Variants in MNS1 observed in about 807,000 individuals in gnomAD.
MNS1 encodes the protein meiosis-specific nuclear structural protein 1.
MNS1 carries 63 observed loss-of-function variants against 72.0 expected under a neutral mutation model. The ratio of observed to expected loss-of-function variants is 0.87; its 90% CI spans 0.71 to 1.08. The LOEUF is 1.08. MNS1 is among the 50% of genes least tolerant of loss of function. The pLI is 0.00. For synonymous variants in MNS1, 188 were observed against 172.1 expected, an observed-to-expected ratio of 1.09 and a Z score of -0.72; for missense variants, 604 against 562.4, an observed-to-expected ratio of 1.07 and a Z score of -0.75.
At chr15:56,461,741 C>A (rs2051022974) in intron 2 of MNS1, among the ~76,000 whole-genome samples, 2 of 147,000 alleles carry the variant, frequency 1.4e-5, no homozygotes, top group Admixed American at 6.8e-5. Flanking sequence ...ATTTGAGCAT[C>A]AAAAATAATA....
chr15:56,461,598 T>G (rs1443598131), intron 2 of MNS1, among the ~76,000 whole-genome samples: 1 of 143,432 alleles, frequency 7.0e-6, no homozygotes, highest in Non-Finnish European at 1.5e-5. Flanking sequence ...AAGGCGGAGG[T>G]TGCAGTGAGC....
In MNS1 at chr15:56,445,554, TTC is replaced by T. The variant is rs377693016; in HGVS notation, c.457-883_457-882del. The T allele has an allele frequency of 2.9e-4, 44 of 152,170 alleles. 2 individuals carry two copies. The highest frequency in any genetic ancestry group is 1.0e-3 in the African/African-American group (42 of 41,562). 9.4% of individuals were successfully genotyped at this position (152,170 alleles called of 1,614,324 possible). On this transcript the variant is annotated intron_variant, in intron 4 of 9. Coordinates refer to ENST00000260453, the MANE Select transcript of MNS1 (RefSeq NM_018365.4). ...GATAATATGACTTGACCAAAAATGT[TTC>T]TGATTATCTTCTTTGTACATGCTAT...
chr15:56,449,125 T>G (rs2050929532), intron 3 of MNS1, among the ~76,000 whole-genome samples: 1 of 152,204 alleles, frequency 6.6e-6, no homozygotes, highest in South Asian at 2.1e-4. Context: ...TTTTATTCCT[T>G]TAATGCCAAT....
Position 56,431,346 on chromosome 15 carries a change from T to G in MNS1, c.1395+27A>C, listed in dbSNP as rs1425148315. 3 of 1,606,866 alleles carry G rather than the reference T, an allele frequency of 1.9e-6. No individual in the cohort carries two copies. The African/African-American group carries it at 4.0e-5, about 22-fold the overall frequency. On this transcript the variant is annotated intron_variant, in intron 9 of 9. Coordinates refer to ENST00000260453, the MANE Select transcript of MNS1 (RefSeq NM_018365.4). ...TTTTCACTATTACAGGTCATGAAGA[T>G]TACAACTTGAGATAAATCTCACTTA...
chr15:56,454,325 C>T (rs1236121949), intron 3 of MNS1, among the ~76,000 whole-genome samples: 1 of 151,942 alleles, frequency 6.6e-6, no homozygotes, highest in African/African-American at 2.4e-5. Context: ...GGGTATCCAT[C>T]CCCTCAAGCA....
chr15:56,445,138 C>T (rs1348354690), intron 4 of MNS1, among the ~76,000 whole-genome samples: 2 of 151,992 alleles, frequency 1.3e-5, no homozygotes, highest in African/African-American at 4.8e-5. Flanking sequence ...TCTTAAGTTT[C>T]TCCTAGCCTA....
intron 7 of MNS1, among the ~76,000 whole-genome samples, chr15:56,438,525 T>G (rs2050766724): frequency 6.6e-6 from 1 of 152,040 alleles, no homozygotes; most frequent in South Asian, 2.1e-4. Context: ...ATGTTAGACC[T>G]AAAACCATAA....
chr15:56,452,854 T>C lies in MNS1; in HGVS notation c.353+3540A>G, dbSNP rs534649706. On this transcript the variant is annotated intron_variant, in intron 3 of 9. Transcript: ENST00000260453. ...GTTTTCACATTTTAGCCACAGTGAA[T>C]CATCCTCAGCAGTTAAGGTGGTAAG... 1.5e-4 allele frequency among the ~76,000 whole-genome samples: 23 copies of C among 152,260 alleles called. 1 individual carries two copies. The East Asian group carries it at 4.4e-3, about 29-fold the overall frequency.
At chr15:56,445,367 A>G (rs1267049896) in intron 4 of MNS1, among the ~76,000 whole-genome samples, 1 of 152,034 alleles carries the variant, frequency 6.6e-6, no homozygotes, top group African/African-American at 2.4e-5. Flanking sequence ...AATAAGTTTT[A>G]AATGAAATAT....
In MNS1 at chr15:56,443,415, A is replaced by G. The variant is rs761378916; in HGVS notation, c.1011+15T>C. On this transcript the variant is annotated intron_variant, in intron 7 of 9. Transcript: ENST00000260453. ...CTTCTCTACATTAATCATTCTTTCC[A>G]TTTCTGAAACTTACTTTTAGCTTGC... is the stretch of plus-strand genomic sequence containing the variant. The G allele has an allele frequency of 1.3e-6, 2 of 1,527,386 alleles. No homozygotes were observed. Among genetic ancestry groups the G allele is most frequent in the South Asian group, 1.3e-5 (1 of 79,268 alleles). 94.6% of individuals were successfully genotyped at this position (1,527,386 alleles called of 1,614,324 possible). A position where few individuals can be genotyped will look rare whatever the true frequency, so the allele number is the denominator to read the frequency against.
In MNS1 at chr15:56,429,097, G is replaced by A. The variant is rs1192873510; in HGVS notation, c.*4C>T. 1.3e-6 allele frequency: 2 copies of A among 1,562,394 alleles called. No individual in the cohort carries two copies. The highest frequency in any genetic ancestry group is 1.7e-6 in the Non-Finnish European group (2 of 1,148,250). On this transcript the variant is annotated 3_prime_UTR_variant, in exon 10 of 10. Coordinates refer to ENST00000260453, the MANE Select transcript of MNS1 (RefSeq NM_018365.4). ...AATCTATGCTTTACCCAATTTTGAT[G>A]ATATCATTTCTCTTCACAAATTTCA...
intron 7 of MNS1, among the ~76,000 whole-genome samples, chr15:56,439,137 C>T (rs530812789): frequency 1.9e-4 from 29 of 152,186 alleles, no homozygotes; most frequent in African/African-American, 5.5e-4. Context: ...TCACTAGCAA[C>T]GAGTACACGG....
At chr15:56,445,463 A>T (rs2050890902) in intron 4 of MNS1, among the ~76,000 whole-genome samples, 2 of 152,064 alleles carry the variant, frequency 1.3e-5, no homozygotes, top group East Asian at 1.9e-4. Flanking sequence ...CATAAAGAGT[A>T]AACAGATTAA....
At position 56,446,205 on chromosome 15, in the gene MNS1, A is replaced by T. The variant is rs1044160565; in HGVS notation, c.456+636T>A. ...AATAGATATGTATGTGTATATAAACATTCATATATAATTGGCCCTTCTGTT... is the reference window on the plus strand; with the variant it reads ...AATAGATATGTATGTGTATATAAACTTTCATATATAATTGGCCCTTCTGTT... On this transcript the variant is annotated intron_variant, in intron 4 of 9. Coordinates refer to ENST00000260453, the MANE Select transcript of MNS1 (RefSeq NM_018365.4). 4.6e-5 allele frequency among the ~76,000 whole-genome samples: 7 copies of T among 152,214 alleles called. No homozygotes were observed. The East Asian group carries it at 1.2e-3, about 25-fold the overall frequency.
At chr15:56,434,611 A>G (rs1467011105) in intron 7 of MNS1, among the ~76,000 whole-genome samples, 1 of 152,148 alleles carries the variant, frequency 6.6e-6, no homozygotes. Context: ...TCATGAACAA[A>G]TTTTAATTTA....
Position 56,456,449 on chromosome 15 carries a change from G to A in MNS1, c.298C>T (p.Leu100=). The change falls in exon 3 of 10, where the codon CTG becomes TTG. Residue 100 remains leucine, a synonymous_variant. Transcript: ENST00000260453. The part of the protein sequence containing the change: ...EEKLAMELAK[L]KHESLKDEKM... ...TCGTCCTTTAGACTTTCATGTTTCAGTTTTGCCAATTCCATAGCCAGTTTT... is the reference window on the plus strand; with the variant it reads ...TCGTCCTTTAGACTTTCATGTTTCAATTTTGCCAATTCCATAGCCAGTTTT... 1 of 1,612,212 alleles carries A rather than the reference G, an allele frequency of 6.2e-7. No homozygotes were observed. Among genetic ancestry groups the A allele is most frequent in the Non-Finnish European group, 8.5e-7 (1 of 1,179,426 alleles).
chr15:56,465,048 C>G lies in MNS1; in HGVS notation c.-76G>C. 1 of 1,576,828 alleles carries G rather than the reference C, an allele frequency of 6.3e-7. No individual in the cohort carries two copies. Among genetic ancestry groups the G allele is most frequent in the Non-Finnish European group, 8.6e-7 (1 of 1,164,334 alleles). On this transcript the variant is annotated 5_prime_UTR_variant, in exon 1 of 10. Coordinates refer to ENST00000260453, the MANE Select transcript of MNS1 (RefSeq NM_018365.4). ...CGCCGCAAACGCAGCAGCCAGCAGC[C>G]CCAAGGAGCGCACCTGGCTGCGCGC...
At chr15:56,436,274 A>G (rs1396553166) in intron 7 of MNS1, among the ~76,000 whole-genome samples, 5 of 152,216 alleles carry the variant, frequency 3.3e-5, no homozygotes, top group African/African-American at 1.2e-4. Context: ...CCACAGTGCA[A>G]TCAAACTAGA....
intron 8 of MNS1, among the ~76,000 whole-genome samples, chr15:56,432,930 T>C (rs1456714269): frequency 6.6e-6 from 1 of 152,208 alleles, no homozygotes; most frequent in East Asian, 1.9e-4. Flanking sequence ...TCAAAACACC[T>C]ACATATTATC....
Sources: gnomAD v4.1 joint callset for allele counts (sites outside exome capture counted in the v4.1 genomes callset) on GRCh38, gnomAD v4.1.1 for gene constraint, MANE v1.5 for transcripts, NCBI Gene and HGNC (gene_info 2026-07-23, HGNC 2026-07-21) for gene names.